PRKCH: variants seen among roughly 807,000 people sequenced by gnomAD.
PRKCH encodes the protein protein kinase C eta.
In PRKCH, 28 loss-of-function variants were observed where a neutral mutation model predicts 82.5. That is an observed-to-expected ratio of 0.34 (90% CI 0.25 to 0.47). PRKCH has a LOEUF of 0.47. Ranked by LOEUF, PRKCH falls within the 20% of genes least tolerant of loss-of-function variation. PRKCH has a pLI of 1.00. For synonymous variants in PRKCH, 322 were observed against 327.4 expected (o/e 0.98, Z 0.18); for missense variants, 705 against 881.8 (o/e 0.80, Z 2.54).
intron 1 of PRKCH, among the ~76,000 whole-genome samples, chr14:61,194,611 T>C (rs747357540): frequency 6.6e-5 from 10 of 152,212 alleles, no homozygotes; most frequent in Non-Finnish European, 1.2e-4. Context: ...GTTTATGATA[T>C]ATTGTTATAG....
intron 2 of PRKCH, among the ~76,000 whole-genome samples, chr14:61,439,572 A>G (rs908462075): frequency 1.3e-5 from 2 of 152,230 alleles, no homozygotes; most frequent in Admixed American, 6.5e-5. Context: ...ACACGGCCCC[A>G]GGTCGTGAGA....
At chr14:61,433,043 C>CAAAAACAAAAAAAAAAAAAAA (rs1883491044) in intron 2 of PRKCH, among the ~76,000 whole-genome samples, 1 of 110,968 alleles carries the variant, frequency 9.0e-6, no homozygotes, top group African/African-American at 3.7e-5. Context: ...CCAACCTCTT[C>CAAAAACAAAAAAAAAAAAAAA]AAAAAAAAAA....
At chr14:61,524,674 A>G (rs1289525985) in intron 10 of PRKCH, among the ~76,000 whole-genome samples, 2 of 152,196 alleles carry the variant, frequency 1.3e-5, no homozygotes, top group Non-Finnish European at 1.5e-5. Context: ...GAAGCTGACC[A>G]TGACTGTAAA....
At chr14:61,281,111 G>A in intron 1 of PRKCH, 1 of 1,441,190 alleles carries the variant, frequency 6.9e-7, no homozygotes, top group Non-Finnish European at 9.1e-7. Flanking sequence ...GTGTTGTCGG[G>A]CTGGTGGGCG....
intron 12 of PRKCH, among the ~76,000 whole-genome samples, chr14:61,533,564 G>T (rs75561807): frequency 0.02 from 2,989 of 152,284 alleles, 86 homozygotes; most frequent in African/African-American, 0.069. Flanking sequence ...AGCTGCCTGG[G>T]GGCAGATCTT....
chr14:61,317,156 G>C (rs889089331), upstream of PRKCH, among the ~76,000 whole-genome samples: 1 of 152,066 alleles, frequency 6.6e-6, no homozygotes, highest in Non-Finnish European at 1.5e-5. Flanking sequence ...CCATGTCTTG[G>C]GTGTCATTCC....
At chr14:61,417,001 C>A (rs1470779424) in intron 2 of PRKCH, among the ~76,000 whole-genome samples, 2 of 152,012 alleles carry the variant, frequency 1.3e-5, no homozygotes, top group African/African-American at 4.8e-5. Flanking sequence ...AATTGCCACC[C>A]AACATTGTTT....
intron 1 of PRKCH, among the ~76,000 whole-genome samples, chr14:61,325,704 G>A (rs553262002): frequency 5.3e-5 from 8 of 152,178 alleles, no homozygotes; most frequent in South Asian, 2.1e-4. Context: ...ACTGCAATAC[G>A]TAAATGAAAG....
chr14:61,261,456 A>G (rs1453622775), intron 1 of PRKCH, among the ~76,000 whole-genome samples: 3 of 152,196 alleles, frequency 2.0e-5, no homozygotes, highest in Non-Finnish European at 4.4e-5. Context: ...CAAAAAGATT[A>G]TTCAGTGTGG....
At chr14:61,230,706 A>C (rs1009509120) in intron 1 of PRKCH, among the ~76,000 whole-genome samples, 15 of 152,166 alleles carry the variant, frequency 9.9e-5, no homozygotes, top group Admixed American at 9.8e-4. Flanking sequence ...CAACACATAC[A>C]ATGGTTTTCT....
chr14:61,441,276 C>T (rs1210060807), intron 2 of PRKCH, among the ~76,000 whole-genome samples: 1 of 152,066 alleles, frequency 6.6e-6, no homozygotes, highest in Non-Finnish European at 1.5e-5. Flanking sequence ...CTGATTCAGT[C>T]CTTGGGAAAA....
chr14:61,453,922 T>A (rs1884638307), intron 7 of PRKCH, among the ~76,000 whole-genome samples: 1 of 151,764 alleles, frequency 6.6e-6, no homozygotes, highest in Non-Finnish European at 1.5e-5. Flanking sequence ...CCTCCCAAAG[T>A]GTTGGGATTG....
chr14:61,434,479 G>C (rs1406583480), intron 2 of PRKCH, among the ~76,000 whole-genome samples: 1 of 152,174 alleles, frequency 6.6e-6, no homozygotes, highest in African/African-American at 2.4e-5. Context: ...GAAGAAAGAA[G>C]AAGTGGCAGC....
chr14:61,500,302 A>G (rs1372485080), intron 10 of PRKCH, among the ~76,000 whole-genome samples: 2 of 151,644 alleles, frequency 1.3e-5, no homozygotes, highest in Non-Finnish European at 1.5e-5. Flanking sequence ...GGCTCAAACC[A>G]TCCTCCCACC....
rs772141815 is a variant in PRKCH, at chr14:61,443,176, C to T, written c.493C>T (p.Arg165Ter). 2 of 1,613,996 alleles carry T rather than the reference C, an allele frequency of 1.2e-6. No individual in the cohort carries two copies. The highest frequency in any genetic ancestry group is 8.5e-7 in the Non-Finnish European group (1 of 1,179,920). The part of the protein sequence containing the change: ...TRKRQRAMRR[R>*]VHQINGHKFM... Reference sequence around the variant, plus strand: ...GAAGCGCCAAAGGGCTATGCGAAGGCGAGTCCACCAGATCAATGGACACAA... The same window carrying T: ...GAAGCGCCAAAGGGCTATGCGAAGGTGAGTCCACCAGATCAATGGACACAA... Residue 165 changes from arginine to a stop codon, truncating the protein, a stop_gained, in exon 3 of 14, where the codon CGA becomes TGA. Coordinates refer to ENST00000332981, the MANE Select transcript of PRKCH (RefSeq NM_006255.5). LOFTEE classifies it high-confidence loss of function.
chr14:61,265,635 T>C lies in PRKCH; in HGVS notation c.-19+77967T>C, dbSNP rs186419145. ...CTTCTCTCTGTCACCCCTCTGCCACTAAGAGCACCTTTCATAAGCCCTACA... is the reference window on the plus strand; with the variant it reads ...CTTCTCTCTGTCACCCCTCTGCCACCAAGAGCACCTTTCATAAGCCCTACA... On this transcript the variant is annotated intron_variant, in intron 1 of 3. Transcript: ENST00000555185. Among the ~76,000 whole-genome samples, 1,317 of 152,302 alleles carry C rather than the reference T, an allele frequency of 8.6e-3. 15 individuals are homozygous for C. Among genetic ancestry groups the C allele is most frequent in the Non-Finnish European group, 0.013 (890 of 68,018 alleles).
chr14:61,456,048 A>G (rs1174587526), intron 7 of PRKCH, among the ~76,000 whole-genome samples: 1 of 152,210 alleles, frequency 6.6e-6, no homozygotes, highest in Non-Finnish European at 1.5e-5. Context: ...ATTTGCAGGA[A>G]GTTATCTTAA....
chr14:61,549,877 G>A lies in PRKCH; in HGVS notation c.*46G>A, dbSNP rs1406406943. The A allele has an allele frequency of 3.8e-6, 6 of 1,587,112 alleles. No homozygotes were observed. The South Asian group carries it at 5.7e-5, about 15-fold the overall frequency. ...AGGGCACGAGAACCCAAAGGGAATAGAGATTCTCCAGGAATTTCCTCTATG... is the reference window on the plus strand; with the variant it reads ...AGGGCACGAGAACCCAAAGGGAATAAAGATTCTCCAGGAATTTCCTCTATG... On this transcript the variant is annotated 3_prime_UTR_variant, in exon 14 of 14. Transcript: ENST00000332981.
At chr14:61,249,511 G>A (rs1448620255) in intron 1 of PRKCH, among the ~76,000 whole-genome samples, 8 of 129,736 alleles carry the variant, frequency 6.2e-5, no homozygotes, top group Admixed American at 1.6e-4. Context: ...AATTTGTAAC[G>A]CGAAGCTTTC....
Sources: gnomAD v4.1 joint callset for allele counts (sites outside exome capture counted in the v4.1 genomes callset) on GRCh38, gnomAD v4.1.1 for gene constraint, MANE v1.5 for transcripts, NCBI Gene and HGNC (gene_info 2026-07-23, HGNC 2026-07-21) for gene names.